The following RPTOR variants were observed in gnomAD, a reference collection of about 807,000 sequenced individuals.
RPTOR encodes the protein regulatory-associated protein of mTOR.
In RPTOR, 21 loss-of-function variants were observed where a neutral mutation model predicts 169.9. The ratio of observed to expected loss-of-function variants is 0.12; its 90% CI spans 0.09 to 0.18. RPTOR has a LOEUF of 0.18. RPTOR is among the 10% of genes least tolerant of loss of function. RPTOR has a pLI of 1.00. For synonymous variants in RPTOR, 732 were observed against 753.2 expected, an observed-to-expected ratio of 0.97 and a Z score of 0.46; for missense variants, 1,133 against 1,855.9, an observed-to-expected ratio of 0.61 and a Z score of 7.16.
At chr17:80,930,966 G>C (rs1445372944) in intron 24 of RPTOR, among the ~76,000 whole-genome samples, 2 of 152,220 alleles carry the variant, frequency 1.3e-5, no homozygotes, top group African/African-American at 4.8e-5. Flanking sequence ...AAGTCAGACA[G>C]GCTTGTTTTA....
At chr17:80,829,041 C>T (rs1456124607) in intron 9 of RPTOR, among the ~76,000 whole-genome samples, 1 of 152,162 alleles carries the variant, frequency 6.6e-6, no homozygotes, top group East Asian at 1.9e-4. Flanking sequence ...CAGGGTGGTA[C>T]AATTGGAGTG....
At chr17:80,717,772 T>C (rs1436036649) in intron 4 of RPTOR, among the ~76,000 whole-genome samples, 1 of 152,228 alleles carries the variant, frequency 6.6e-6, no homozygotes, top group Non-Finnish European at 1.5e-5. Context: ...GGTTGTTTTC[T>C]CAGCCTCAGC....
intron 13 of RPTOR, chr17:80,858,253 A>C (rs1598357499): frequency 7.4e-6 from 2 of 270,768 alleles, no homozygotes; most frequent in African/African-American, 2.2e-5. Context: ...ACTGGAAGCA[A>C]CCCCGCCATG....
rs9915738 is a variant in RPTOR at position 80,806,959 on chromosome 17, G to A, written c.891-15242G>A. Among the ~76,000 whole-genome samples, 723 of 152,222 alleles carry A rather than the reference G, an allele frequency of 4.7e-3. 9 individuals carry two copies. The highest frequency in any genetic ancestry group is 0.016 in the African/African-American group (675 of 41,522). Reference sequence around the variant, plus strand: ...TGCATTAACCCTCAGAACTGAAGAAGGCCAGATTAACCGTACCAACTCACC... The same window carrying A: ...TGCATTAACCCTCAGAACTGAAGAAAGCCAGATTAACCGTACCAACTCACC... On this transcript the variant is annotated intron_variant, in intron 7 of 33. Transcript: ENST00000306801.
At position 80,957,614 on chromosome 17, in the gene RPTOR, A is replaced by G. The variant is rs73359514; in HGVS notation, c.3371-10A>G. ...ATGGGGTGATGCCATGTCCCACTGT[A>G]TCTCTCCAGGAGCTGGGATGGTGGT... On this transcript the variant is annotated splice_polypyrimidine_tract_variant and intron_variant, in intron 28 of 33. Coordinates refer to ENST00000306801, the MANE Select transcript of RPTOR (RefSeq NM_020761.3). The surrounding 1 kb of genome is among the most constrained non-coding windows in gnomAD (Gnocchi z 4.6). The G allele has an allele frequency of 0.017, 27,152 of 1,613,430 alleles. 2,614 individuals are homozygous for G. In the African/African-American group the frequency reaches 0.25, roughly 15 times the overall value.
rs2069421517 is a variant in RPTOR, at chr17:80,965,862, T to A, written c.*1532T>A. ...AATGCGAGCTCCCACCAGAAGAAGG[T>A]TCCGGCACGAATCCCATCCCCACGT... On this transcript the variant is annotated 3_prime_UTR_variant, in exon 34 of 34. Coordinates refer to ENST00000306801, the MANE Select transcript of RPTOR (RefSeq NM_020761.3). The A allele has an allele frequency of 4.3e-6, 1 of 233,152 alleles. No homozygotes were observed. The highest frequency in any genetic ancestry group is 5.6e-5 in the Admixed American group (1 of 17,774). The allele number at this position is 233,152 out of a possible 1,614,324, so 14.4% of individuals were successfully genotyped here.
At chr17:80,636,558 G>A (rs1365651747) in intron 2 of RPTOR, among the ~76,000 whole-genome samples, 1 of 152,130 alleles carries the variant, frequency 6.6e-6, no homozygotes, top group Non-Finnish European at 1.5e-5. Flanking sequence ...AGAAGTGTGC[G>A]TCTAGTTCCC....
intron 1 of RPTOR, among the ~76,000 whole-genome samples, chr17:80,560,620 A>T (rs1210996084): frequency 6.6e-6 from 1 of 152,042 alleles, no homozygotes; most frequent in Non-Finnish European, 1.5e-5. Flanking sequence ...GACGTGCAGG[A>T]GCTGAGAGGT....
intron 7 of RPTOR, among the ~76,000 whole-genome samples, chr17:80,798,436 C>T (rs1309305225): frequency 6.6e-6 from 1 of 152,122 alleles, no homozygotes; most frequent in Non-Finnish European, 1.5e-5. Context: ...CAACACTTTC[C>T]TAAAATGCAG....
intron 3 of RPTOR, among the ~76,000 whole-genome samples, chr17:80,701,960 G>A (rs1341132287): frequency 1.3e-5 from 2 of 152,074 alleles, no homozygotes; most frequent in Non-Finnish European, 2.9e-5. Flanking sequence ...AGCTTCTAGC[G>A]GGACCATGCC....
rs147028109 is a variant in RPTOR at position 80,912,331 on chromosome 17, G to A, written c.2520+3402G>A. Among the ~76,000 whole-genome samples the A allele has an allele frequency of 1.7e-4, 26 of 152,254 alleles. No individual in the cohort carries two copies. In the East Asian group the frequency reaches 3.1e-3, roughly 18 times the overall value. ...CCTGACTGCACAGTTGGAGGCCAGC[G>A]CTATTTAGGAGGTTTGATCGTTTTC... On this transcript the variant is annotated intron_variant, in intron 21 of 33. Coordinates refer to ENST00000306801, the MANE Select transcript of RPTOR (RefSeq NM_020761.3).
At chr17:80,786,668 T>G (rs2066995424) in intron 6 of RPTOR, among the ~76,000 whole-genome samples, 1 of 152,190 alleles carries the variant, frequency 6.6e-6, no homozygotes, top group African/African-American at 2.4e-5. Flanking sequence ...CTGCCTTGCT[T>G]GAGCCCAGTT....
chr17:80,921,990 A>G (rs2068750794), intron 21 of RPTOR, among the ~76,000 whole-genome samples: 1 of 152,138 alleles, frequency 6.6e-6, no homozygotes, highest in Non-Finnish European at 1.5e-5. Flanking sequence ...CTTGAGTTCC[A>G]GGCCCCGTCA....
At chr17:80,712,540 A>G (rs1420596100) in intron 4 of RPTOR, among the ~76,000 whole-genome samples, 3 of 152,184 alleles carry the variant, frequency 2.0e-5, no homozygotes, top group African/African-American at 7.2e-5. Flanking sequence ...CTACTGTGTG[A>G]ATGCAACACT....
At chr17:80,616,823 G>T (rs757401586) in intron 1 of RPTOR, among the ~76,000 whole-genome samples, 2 of 151,918 alleles carry the variant, frequency 1.3e-5, no homozygotes, top group African/African-American at 2.4e-5. Flanking sequence ...TTATTTGTTG[G>T]TTTTTAAGGA....
intron 1 of RPTOR, among the ~76,000 whole-genome samples, chr17:80,558,734 C>T (rs1345827843): frequency 6.6e-6 from 1 of 152,124 alleles, no homozygotes; most frequent in Non-Finnish European, 1.5e-5. Context: ...AGAGTCAGGA[C>T]CTGTATCATG....
rs2068260920 is a variant in RPTOR at position 80,887,348 on chromosome 17, G to T, written c.1983+2200G>T. On this transcript the variant is annotated intron_variant, in intron 17 of 33. Coordinates refer to ENST00000306801, the MANE Select transcript of RPTOR (RefSeq NM_020761.3). ...GCTGACTCTGGGGGGTGCCAGCTCG[G>T]GGGGTGTACCGACTCCGGGGGTGTG... 2.5e-5 allele frequency among the ~76,000 whole-genome samples: 3 copies of T among 119,558 alleles called. No individual in the cohort carries two copies. In the Admixed American group the frequency reaches 2.6e-4, roughly 10 times the overall value. The allele number at this position is 119,558 out of a possible 152,430, so 78.4% of individuals were successfully genotyped here. A position where few individuals can be genotyped will look rare whatever the true frequency, so the allele number is the denominator to read the frequency against.
intron 7 of RPTOR, among the ~76,000 whole-genome samples, chr17:80,809,291 C>T (rs530832719): frequency 7.7e-4 from 118 of 152,276 alleles, no homozygotes; most frequent in African/African-American, 2.5e-3. Context: ...TCCCGGGTTC[C>T]TGCAATTCTC....
intron 21 of RPTOR, among the ~76,000 whole-genome samples, chr17:80,909,333 A>C (rs2068584257): frequency 6.6e-6 from 1 of 151,680 alleles, no homozygotes; most frequent in Non-Finnish European, 1.5e-5. Flanking sequence ...CTCCTGCCTC[A>C]GCCTCCCAAA....
Sources: allele counts gnomAD v4.1 joint callset (sites outside exome capture counted in the v4.1 genomes callset), GRCh38; gene constraint gnomAD v4.1.1; non-coding constraint Gnocchi (gnomAD v3.1); transcripts MANE v1.5; gene names NCBI Gene and HGNC (gene_info 2026-07-23, HGNC 2026-07-21).